The following CCL15 variants were observed in gnomAD, a reference collection of about 807,000 sequenced individuals.
The protein encoded by CCL15 is C-C motif chemokine ligand 15.
Under a neutral mutation model 10.6 loss-of-function variants are expected in CCL15, and 8 were observed. That is an observed-to-expected ratio of 0.75 (90% CI 0.44 to 1.36). The LOEUF (loss-of-function observed/expected upper bound fraction) is 1.36. Among genes scored for constraint, CCL15 ranks in the 40% most tolerant of loss-of-function variants. CCL15 has a pLI of 0.00. For synonymous variants in CCL15, 51 were observed against 48.8 expected, an observed-to-expected ratio of 1.04 and a Z score of -0.19; for missense variants, 128 against 136.6, an observed-to-expected ratio of 0.94 and a Z score of 0.32.
chr17:35,999,028 C>G, intron 1 of CCL15, 103 bp from the exon 2 acceptor site: 2 of 944,762 alleles, frequency 2.1e-6, no homozygotes, highest in Non-Finnish European at 3.4e-6. Context: ...CAGAGAGGCT[C>G]TGAAGCTGGA....
At chr17:36,001,354 C>G in intron 1 of CCL15, 63 bp downstream of exon 1, 5 of 1,601,684 alleles carry the variant, frequency 3.1e-6, no homozygotes. Context: ...CACAACATGT[C>G]TCCGTCCCAG....
Position 35,998,928 on chromosome 17 carries a change from G to A in CCL15, c.77-3C>T. On this transcript the variant is annotated splice_region_variant and splice_polypyrimidine_tract_variant and intron_variant, in intron 1 of 3. Transcript: ENST00000617897. The stretch of plus-strand genomic sequence containing the variant: ...CATCATTAACTCTGTCTCTGCATCT[G>A]AAAGAAACAGTACAGGGAAGGAAAT... 2 of 1,612,840 alleles carry A rather than the reference G, an allele frequency of 1.2e-6. No individual in the cohort carries two copies. The highest frequency in any genetic ancestry group is 1.7e-5 in the Admixed American group (1 of 60,020).
At position 35,997,716 on chromosome 17, in the gene CCL15, C is replaced by T; in HGVS notation, c.*51G>A. On this transcript the variant is annotated 3_prime_UTR_variant, in exon 4 of 4. Transcript: ENST00000617897. ...TTTTTAAGTATTTCAGACCAAGAAACTCACAGGAGGTGTTGGAGGTGGGTG... is the reference window on the plus strand; with the variant it reads ...TTTTTAAGTATTTCAGACCAAGAAATTCACAGGAGGTGTTGGAGGTGGGTG... The T allele has an allele frequency of 9.1e-7, 1 of 1,101,994 alleles. No individual in the cohort carries two copies. The highest frequency in any genetic ancestry group is 1.5e-5 in the African/African-American group (1 of 64,958). The allele number at this position is 1,101,994 out of a possible 1,614,324, so 68.3% of individuals were successfully genotyped here.
chr17:35,997,726 G>C lies in CCL15; in HGVS notation c.*41C>G, dbSNP rs369824502. 33 of 1,174,014 alleles carry C rather than the reference G, an allele frequency of 2.8e-5. No homozygotes were observed. Among genetic ancestry groups the C allele is most frequent in the Non-Finnish European group, 3.9e-5 (30 of 779,048 alleles). 72.7% of individuals were successfully genotyped at this position (1,174,014 alleles called of 1,614,324 possible). On this transcript the variant is annotated 3_prime_UTR_variant, in exon 4 of 4. Transcript: ENST00000617897. ...TTTCAGACCAAGAAACTCACAGGAG[G>C]TGTTGGAGGTGGGTGGCTGGCCTCT...
At chr17:35,998,505 C>T (rs945531389) in intron 2 of CCL15, 114 bp from the exon 3 acceptor site, 4 of 774,030 alleles carry the variant, frequency 5.2e-6, no homozygotes, top group African/African-American at 1.7e-5. Flanking sequence ...CTAGCACTTG[C>T]TGGCCTCTCC....
chr17:35,998,257 T>C, intron 3 of CCL15, 23 bp downstream of exon 3: 1 of 1,499,270 alleles, frequency 6.7e-7, no homozygotes, highest in East Asian at 2.3e-5. Flanking sequence ...CCCCAACACA[T>C]GGTTGGTGAG....
Position 36,001,534 on chromosome 17 carries a change from T to C in CCL15, c.-42A>G. The C allele has an allele frequency of 6.2e-7, 1 of 1,611,028 alleles. No individual in the cohort carries two copies. The highest frequency in any genetic ancestry group is 8.5e-7 in the Non-Finnish European group (1 of 1,179,390). Reference sequence around the variant, plus strand: ...CAGGGCTGGCCGAGGACTCCTGGGCTCACTGCTTCCTGGCTCCCCGGGATA... The same window carrying C: ...CAGGGCTGGCCGAGGACTCCTGGGCCCACTGCTTCCTGGCTCCCCGGGATA... On this transcript the variant is annotated 5_prime_UTR_variant, in exon 1 of 4. Transcript: ENST00000617897.
chr17:35,999,018 CAG>C lies in CCL15; in HGVS notation c.77-95_77-94del, dbSNP rs549957715. ...CCCATTGCTCATCCTCCTCCTGAGG[CAG>C]AGAGGCTCTGAAGCTGGACCACCAC... is the stretch of plus-strand genomic sequence containing the variant. On this transcript the variant is annotated intron_variant, in intron 1 of 3. Transcript: ENST00000617897. 108 of 1,037,950 alleles carry C rather than the reference CAG, an allele frequency of 1.0e-4. 1 individual carries two copies. The highest frequency in any genetic ancestry group is 9.7e-4 in the South Asian group (73 of 75,188). 64.3% of individuals were successfully genotyped at this position (1,037,950 alleles called of 1,614,324 possible). A position where few individuals can be genotyped will look rare whatever the true frequency, so the allele number is the denominator to read the frequency against.
At chr17:36,000,738 T>C (rs2142015220) in intron 1 of CCL15, among the ~76,000 whole-genome samples, 1 of 151,756 alleles carries the variant, frequency 6.6e-6, no homozygotes, top group African/African-American at 2.4e-5. Flanking sequence ...AGCCCTAAAG[T>C]GTATGCTCTG....
intron 1 of CCL15, among the ~76,000 whole-genome samples, chr17:36,000,599 C>T (rs1190574608): frequency 6.6e-6 from 1 of 151,960 alleles, no homozygotes; most frequent in Non-Finnish European, 1.5e-5. Flanking sequence ...TATGCCCATC[C>T]ACCTCCTTTG....
chr17:35,999,220 G>A (rs1447163550), intron 1 of CCL15, among the ~76,000 whole-genome samples: 1 of 152,210 alleles, frequency 6.6e-6, no homozygotes, highest in Non-Finnish European at 1.5e-5. Flanking sequence ...ATGTGACACA[G>A]TCTACAAGTT....
Position 35,998,247 on chromosome 17 carries a change from C to T in CCL15, c.248+33G>A, listed in dbSNP as rs748842612. ...TGCAAGATGCTGTGGGCTGCTTCTT[C>T]CCCAACACATGGTTGGTGAGCTTGG... On this transcript the variant is annotated intron_variant, in intron 3 of 3. Coordinates refer to ENST00000617897, the MANE Select transcript of CCL15 (RefSeq NM_032965.6). The T allele has an allele frequency of 3.5e-6, 5 of 1,448,402 alleles. No individual in the cohort carries two copies. In the African/African-American group the frequency reaches 4.2e-5, roughly 12 times the overall value. 89.7% of individuals were successfully genotyped at this position (1,448,402 alleles called of 1,614,324 possible).
At position 35,998,321 on chromosome 17, in the gene CCL15, A is replaced by T; in HGVS notation, c.207T>A (p.Ser69Arg). 1 of 1,614,154 alleles carries T rather than the reference A, an allele frequency of 6.2e-7. No homozygotes were observed. Among genetic ancestry groups the T allele is most frequent in the Non-Finnish European group, 8.5e-7 (1 of 1,180,010 alleles). The change falls in exon 3 of 4, where the codon AGT becomes AGA. Residue 69 changes from serine (S) to arginine (R), a missense_variant. Coordinates refer to ENST00000617897, the MANE Select transcript of CCL15 (RefSeq NM_032965.6). ...AGCACTCGCTGCTCGTTTCAAAATA[A>T]CTTTTCATGAGTGAACACGGGATGC... The part of the protein sequence containing the change: ...SQSIPCSLMK[S>R]YFETSSECSK...
chr17:35,997,844 C>A lies in CCL15; in HGVS notation c.265G>T (p.Gly89Trp), dbSNP rs537114501. The stretch of plus-strand genomic sequence containing the variant: ...CTGGGTTTGGCACAGACTTGCCGCC[C>A]CTTCTTGGTGAGGAATCTGGGGAAC... ...KPGVIFLTKKGRQVCAKPSGP... is the reference protein window; with the variant it reads ...KPGVIFLTKKWRQVCAKPSGP... The change falls in exon 4 of 4, where the codon GGG becomes TGG. Residue 89 changes from glycine (G) to tryptophan (W), a missense_variant. Physicochemically the swap from Gly to Trp is radical, Grantham distance 184. Transcript: ENST00000617897. The A allele has an allele frequency of 3.3e-5, 54 of 1,613,844 alleles. No homozygotes were observed. The Middle Eastern group carries it at 9.9e-4, about 30-fold the overall frequency.
In CCL15 at chr17:35,997,784, T is replaced by C. The variant is rs750858022; in HGVS notation, c.325A>G (p.Lys109Glu). 5.6e-6 allele frequency: 9 copies of C among 1,613,428 alleles called. No homozygotes were observed. The highest frequency in any genetic ancestry group is 6.8e-6 in the Non-Finnish European group (8 of 1,179,406). Residue 109 changes from lysine (K) to glutamate (E), a missense_variant, in exon 4 of 4, where the codon AAG (lysine) becomes GAG (glutamate). By Grantham distance (56) the Lys-to-Glu change is moderately conservative. Transcript: ENST00000617897. ...PGVQDCMKKL[K>E]PYSI ...CTTTATTATTATATTGAGTAGGGCTTCAGCTTTTTCATGCAATCCTGAACT... is the reference window on the plus strand; with the variant it reads ...CTTTATTATTATATTGAGTAGGGCTCCAGCTTTTTCATGCAATCCTGAACT...
intron 1 of CCL15, 124 bp from the exon 2 acceptor site, chr17:35,999,049 C>CT: frequency 1.3e-6 from 1 of 771,594 alleles, no homozygotes; most frequent in East Asian, 2.6e-5. Flanking sequence ...CCACCACCAC[C>CT]TGTCTGGGTT....
At position 35,997,800 on chromosome 17, in the gene CCL15, ATC is replaced by A; in HGVS notation, c.307_308del (p.Asp103LeufsTer28). The A allele has an allele frequency of 1.2e-6, 2 of 1,613,880 alleles. No homozygotes were observed. The highest frequency in any genetic ancestry group is 1.7e-6 in the Non-Finnish European group (2 of 1,179,912). On this transcript the variant is annotated frameshift_variant, in exon 4 of 4. Transcript: ENST00000617897. LOFTEE classifies it low-confidence loss of function (END_TRUNC). ...CAKPSGPGVQDCMKKLKPYSI is the reference protein window; with the variant it reads ...CAKPSGPGVQXCMKKLKPYSI ...AGTAGGGCTTCAGCTTTTTCATGCA[ATC>A]CTGAACTCCCGGACCACTGGGTTTG...
intron 1 of CCL15, among the ~76,000 whole-genome samples, chr17:36,000,020 A>G (rs893785550): frequency 1.5e-3 from 231 of 151,322 alleles, no homozygotes; most frequent in African/African-American, 5.0e-3. Flanking sequence ...GCGTGGTGGC[A>G]GGCGCCTGTA....
intron 3 of CCL15, 43 bp downstream of exon 3, chr17:35,998,237 G>T (rs1357971990): frequency 2.3e-6 from 3 of 1,331,570 alleles, no homozygotes; most frequent in Non-Finnish European, 3.2e-6. Flanking sequence ...GATGCTGTGG[G>T]CTGCTTCTTC....
Sources: allele counts gnomAD v4.1 joint callset (sites outside exome capture counted in the v4.1 genomes callset), GRCh38; gene constraint gnomAD v4.1.1; transcripts MANE v1.5; gene names NCBI Gene and HGNC (gene_info 2026-07-23, HGNC 2026-07-21).